Variants in CD8B observed in about 807,000 individuals in gnomAD.
The protein encoded by CD8B is T-cell surface glycoprotein CD8 beta chain.
CD8B carries 6 observed loss-of-function variants against 24.2 expected under a neutral mutation model. That is an observed-to-expected ratio of 0.25 (90% CI 0.14 to 0.49). The LOEUF (loss-of-function observed/expected upper bound fraction) is 0.49, where lower values mean the gene tolerates loss of function less well. CD8B is among the 20% of genes least tolerant of loss of function. The pLI, the probability that CD8B is intolerant of heterozygous loss-of-function variation, is 0.98. For synonymous variants in CD8B, 84 were observed against 108.3 expected (o/e 0.78, Z 1.39); for missense variants, 196 against 271.3 (o/e 0.72, Z 1.95).
chr2:86,821,800 C>A (rs971535098), intron 5 of CD8B: 7 of 385,896 alleles, frequency 1.8e-5, no homozygotes, highest in Non-Finnish European at 3.3e-5. Flanking sequence ...ACCCCGTCCT[C>A]TCCAAAGGGA....
At chr2:86,856,223 G>A (rs1474158520) in intron 2 of CD8B, among the ~76,000 whole-genome samples, 1 of 152,166 alleles carries the variant, frequency 6.6e-6, no homozygotes, top group African/African-American at 2.4e-5. Context: ...TTGGAAACAC[G>A]GAAGTCAGGA....
rs757043155 is a variant in CD8B at position 86,822,382 on chromosome 2, C to T, written c.621-6664G>A. 8 of 1,548,694 alleles carry T rather than the reference C, an allele frequency of 5.2e-6. No individual in the cohort carries two copies. The East Asian group carries it at 1.6e-4, about 31-fold the overall frequency. Reference sequence around the variant, plus strand: ...AGTGGATGTAATCTTAGTCTTGGCACAATAGAGTATGAACAGAGATGTTAA... The same window carrying T: ...AGTGGATGTAATCTTAGTCTTGGCATAATAGAGTATGAACAGAGATGTTAA... On this transcript the variant is annotated intron_variant, in intron 5 of 5. Coordinates refer to the CD8B transcript ENST00000331469.
chr2:86,817,195 G>T (rs1479884337), intron 5 of CD8B, among the ~76,000 whole-genome samples: 1 of 152,168 alleles, frequency 6.6e-6, no homozygotes, highest in African/African-American at 2.4e-5. Context: ...GTGATGCAGT[G>T]TTGATGGGGA....
chr2:86,848,753 G>T (rs1428951154), intron 3 of CD8B, among the ~76,000 whole-genome samples: 1 of 128,860 alleles, frequency 7.8e-6, no homozygotes, highest in Admixed American at 8.0e-5. Flanking sequence ...TTTTGCTGTT[G>T]TTGCCCAGGC....
chr2:86,825,078 G>T (rs186569879), intron 5 of CD8B, among the ~76,000 whole-genome samples: 1 of 152,202 alleles, frequency 6.6e-6, no homozygotes, highest in Non-Finnish European at 1.5e-5. Flanking sequence ...TTCCTCCACA[G>T]CTCCTAAGGC....
intron 5 of CD8B, chr2:86,821,653 AG>A (rs1674477588): frequency 2.7e-6 from 1 of 364,852 alleles, no homozygotes; most frequent in East Asian, 8.9e-5. Context: ...GAGCAGGCAG[AG>A]GCATTGTTTT....
At chr2:86,836,629 T>TA (rs935449288), downstream of CD8B, among the ~76,000 whole-genome samples, 10 of 150,636 alleles carry the variant, frequency 6.6e-5, no homozygotes, top group Admixed American at 1.3e-4. Flanking sequence ...CTACCAAAAA[T>TA]AAAAAAAAAT....
At chr2:86,856,458 CT>C (rs1200636943) in intron 2 of CD8B, among the ~76,000 whole-genome samples, 15 of 152,192 alleles carry the variant, frequency 9.9e-5, no homozygotes, top group Non-Finnish European at 1.9e-4. Context: ...GATGCCTCAG[CT>C]TCTTGCCTGC....
chr2:86,855,536 C>T (rs556585949), intron 2 of CD8B, among the ~76,000 whole-genome samples: 244 of 152,310 alleles, frequency 1.6e-3, no homozygotes, highest in African/African-American at 5.6e-3. Flanking sequence ...CTGTGCTTCT[C>T]GTTCTGCCAC....
intron 1 of CD8B, among the ~76,000 whole-genome samples, chr2:86,861,306 G>A (rs1676574529): frequency 6.6e-6 from 1 of 152,210 alleles, no homozygotes; most frequent in South Asian, 2.1e-4. Flanking sequence ...CCCAACACCA[G>A]CGACATCAGG....
chr2:86,833,579 T>C, downstream of CD8B, among the ~76,000 whole-genome samples: 2 of 84,800 alleles, frequency 2.4e-5, no homozygotes, highest in African/African-American at 4.1e-5. Flanking sequence ...TCTCCCTCCC[T>C]TTCTCTCTCA....
At position 86,841,897 on chromosome 2, in the gene CD8B, A is replaced by T. The variant is rs1558756231; in HGVS notation, c.*410T>A. On this transcript the variant is annotated 3_prime_UTR_variant, in exon 6 of 6. Transcript: ENST00000390655. ...AGCCTGGGAAGACCAAGAGGGAGCC[A>T]GCCCAGCATCACCCCATGAAAGACC... The T allele has an allele frequency of 1.0e-6, 1 of 989,466 alleles. No individual in the cohort carries two copies. Among genetic ancestry groups the T allele is most frequent in the Non-Finnish European group, 1.2e-6 (1 of 832,676 alleles). The allele number at this position is 989,466 out of a possible 1,614,324, so 61.3% of individuals were successfully genotyped here. A position where few individuals can be genotyped will look rare whatever the true frequency, so the allele number is the denominator to read the frequency against.
In CD8B at chr2:86,858,198, C is replaced by T. The variant is rs1192831331; in HGVS notation, c.262G>A (p.Glu88Lys). ...GTIHGEEVEQ[E>K]KIAVFRDASR... ...GCATCCCGAAACACAGCTATCTTCT[C>T]CTGTTCCACCTCTTCACCGTGGATA... Residue 88 changes from glutamate to lysine, a missense_variant, in exon 2 of 6, where the codon GAG becomes AAG. Transcript: ENST00000390655. 5 of 1,613,878 alleles carry T rather than the reference C, an allele frequency of 3.1e-6. No individual in the cohort carries two copies. The highest frequency in any genetic ancestry group is 4.2e-6 in the Non-Finnish European group (5 of 1,179,884).
intron 3 of CD8B, among the ~76,000 whole-genome samples, chr2:86,851,408 T>C (rs1236254113): frequency 3.9e-5 from 6 of 152,196 alleles, no homozygotes; most frequent in African/African-American, 7.2e-5. Context: ...GTGGCTCTAT[T>C]GTATTTGCCT....
intron 5 of CD8B, among the ~76,000 whole-genome samples, chr2:86,832,143 A>C (rs1674925499): frequency 6.6e-6 from 1 of 152,206 alleles, no homozygotes; most frequent in Admixed American, 6.5e-5. Flanking sequence ...GGCAAATATC[A>C]GAGGAGAAAA....
chr2:86,845,349 T>A (rs183049569), intron 4 of CD8B, among the ~76,000 whole-genome samples: 2,359 of 152,306 alleles, frequency 0.015, 21 homozygotes, highest in Non-Finnish European at 0.023. Flanking sequence ...AGACAGGCAG[T>A]CTCAGGCTAG....
Position 86,854,671 on chromosome 2 carries a change from G to A in CD8B, c.404-1585C>T, listed in dbSNP as rs1676144533. On this transcript the variant is annotated intron_variant, in intron 2 of 5. Coordinates refer to ENST00000390655, the MANE Select transcript of CD8B (RefSeq NM_004931.5). ...CTGATGCCTACTGGGGATGAAGGGG[G>A]CACTGCTGGCCACAGAGTCCAACCC... 2.0e-5 allele frequency among the ~76,000 whole-genome samples: 3 copies of A among 152,250 alleles called. No individual in the cohort carries two copies. In the South Asian group the frequency reaches 6.2e-4, roughly 32 times the overall value.
At chr2:86,829,473 G>C (rs1340636139) in intron 5 of CD8B, among the ~76,000 whole-genome samples, 2 of 152,118 alleles carry the variant, frequency 1.3e-5, no homozygotes, top group Non-Finnish European at 2.9e-5. Context: ...GTCAGGCTGG[G>C]GGGAGTCAGG....
chr2:86,815,742 G>C (rs762211501), intron 5 of CD8B: 1 of 1,234,530 alleles, frequency 8.1e-7, no homozygotes, highest in Admixed American at 1.7e-5. Flanking sequence ...AAACAAGAGA[G>C]TCTCAATACA....
Sources: gnomAD v4.1 joint callset for allele counts (sites outside exome capture counted in the v4.1 genomes callset) on GRCh38, gnomAD v4.1.1 for gene constraint, MANE v1.5 for transcripts, NCBI Gene and HGNC (gene_info 2026-07-23, HGNC 2026-07-21) for gene names.